ADGRF4: variants seen among roughly 807,000 people sequenced by gnomAD.
ADGRF4 encodes the protein G-protein coupled receptor PGR18.
A neutral mutation model predicts 58.5 loss-of-function variants in ADGRF4; 63 were observed. The ratio of observed to expected loss-of-function variants is 1.08; its 90% CI spans 0.88 to 1.33. The LOEUF is 1.33. Among genes scored for constraint, ADGRF4 ranks in the 40% most tolerant of loss-of-function variants. ADGRF4 has a pLI of 0.00. For synonymous variants in ADGRF4, 313 were observed against 295.4 expected (o/e 1.06, Z -0.61); for missense variants, 931 against 843.9 (o/e 1.10, Z -1.28).
chr6:47,701,832 A>G (rs1372367973), intron 1 of ADGRF4, among the ~76,000 whole-genome samples: 4 of 152,084 alleles, frequency 2.6e-5, no homozygotes, highest in African/African-American at 9.7e-5. Context: ...TTACTTATTT[A>G]TTTTTATTTT....
Position 47,712,342 on chromosome 6 carries a change from AT to A in ADGRF4, c.301-12del, listed in dbSNP as rs1479375551. 6.2e-7 allele frequency: 1 copy of A among 1,612,034 alleles called. No individual in the cohort carries two copies. Among genetic ancestry groups the A allele is most frequent in the Non-Finnish European group, 8.5e-7 (1 of 1,178,510 alleles). On this transcript the variant is annotated splice_polypyrimidine_tract_variant and intron_variant, in intron 4 of 9. Coordinates refer to ENST00000283303, the MANE Select transcript of ADGRF4 (RefSeq NM_153838.5). The stretch of plus-strand genomic sequence containing the variant: ...CTTAATCATTTTTGAATGAAACTAC[AT>A]TTGTTTTAAACAGGACTCAACTGGT...
intron 5 of ADGRF4, among the ~76,000 whole-genome samples, 162 bp from the exon 6 acceptor site, chr6:47,713,636 G>A (rs1311706453): frequency 1.3e-5 from 2 of 152,118 alleles, no homozygotes; most frequent in African/African-American, 2.4e-5. Context: ...TCTTCCCTCT[G>A]TGTGGCCTTA....
At chr6:47,708,118 T>C (rs1771765133) in intron 2 of ADGRF4, 106 bp from the exon 3 acceptor site, 1 of 785,618 alleles carries the variant, frequency 1.3e-6, no homozygotes, top group Admixed American at 2.4e-5. Context: ...GTTTTCTTTC[T>C]AGTCCTGAAC....
intron 8 of ADGRF4, 78 bp downstream of exon 8, chr6:47,717,429 A>G: frequency 1.1e-6 from 1 of 884,866 alleles, no homozygotes; most frequent in Non-Finnish European, 1.9e-6. Context: ...ACCATAGCTC[A>G]GTACTCAGGA....
At chr6:47,706,890 G>A (rs1771722274) in intron 1 of ADGRF4, among the ~76,000 whole-genome samples, 3 of 152,184 alleles carry the variant, frequency 2.0e-5, no homozygotes, top group Admixed American at 2.0e-4. Context: ...GCTTAGAAAA[G>A]TTATTGGCAA....
At chr6:47,717,204 G>A in intron 7 of ADGRF4, 88 bp from the exon 8 acceptor site, 1 of 898,314 alleles carries the variant, frequency 1.1e-6, no homozygotes, top group South Asian at 1.3e-5. Context: ...CTTCTGCCAG[G>A]GTTACTGGTC....
intron 1 of ADGRF4, among the ~76,000 whole-genome samples, chr6:47,706,740 C>T (rs943297729): frequency 5.9e-5 from 9 of 152,178 alleles, no homozygotes; most frequent in African/African-American, 2.2e-4. Context: ...GGGTTGAACT[C>T]GTGGCTCTAC....
chr6:47,718,591 C>T (rs1422278521), intron 9 of ADGRF4, 146 bp downstream of exon 9: 3 of 657,968 alleles, frequency 4.6e-6, no homozygotes, highest in South Asian at 3.5e-5. Context: ...AGAATGGAAA[C>T]ATCTTTATTG....
rs561481997 is a variant in ADGRF4 at position 47,712,760 on chromosome 6, T to C, written c.552+152T>C. The C allele has an allele frequency of 2.6e-4, 162 of 629,972 alleles. No individual in the cohort carries two copies. In the African/African-American group the frequency reaches 2.7e-3, roughly 11 times the overall value. 39.0% of individuals were successfully genotyped at this position (629,972 alleles called of 1,614,324 possible). On this transcript the variant is annotated intron_variant, in intron 5 of 9. Transcript: ENST00000283303. ...TTCGGTTTGGGATATTGATTCATTA[T>C]AGTTTATGGAGGTTTTCAAGTAGTT...
At chr6:47,716,930 G>A (rs903662845) in intron 7 of ADGRF4, 83 bp downstream of exon 7, 7 of 924,230 alleles carry the variant, frequency 7.6e-6, no homozygotes, top group South Asian at 5.6e-5. Context: ...TGATTGGAGA[G>A]CATACTCCAG....
chr6:47,715,983 ATTT>A (rs3030671), intron 6 of ADGRF4, among the ~76,000 whole-genome samples: 47,643 of 143,690 alleles, frequency 0.33, 8,332 homozygotes, highest in Middle Eastern at 0.48. Context: ...GACATGAGGG[ATTT>A]TTTTTTTTTT....
chr6:47,701,965 A>T (rs1465260670), intron 1 of ADGRF4, among the ~76,000 whole-genome samples: 1 of 152,092 alleles, frequency 6.6e-6, no homozygotes, highest in Admixed American at 6.6e-5. Flanking sequence ...CCGCCTTCCA[A>T]GTAGCTGGCA....
At chr6:47,716,080 T>C (rs1463545902) in intron 6 of ADGRF4, among the ~76,000 whole-genome samples, 1 of 152,190 alleles carries the variant, frequency 6.6e-6, no homozygotes, top group East Asian at 1.9e-4. Flanking sequence ...CTTTCTTACT[T>C]TGCAATTTAA....
At chr6:47,702,294 T>G (rs925857542) in intron 1 of ADGRF4, among the ~76,000 whole-genome samples, 1 of 152,116 alleles carries the variant, frequency 6.6e-6, no homozygotes, top group African/African-American at 2.4e-5. Flanking sequence ...ACCCATCGTT[T>G]CCCAAACTGA....
chr6:47,712,416 A>G lies in ADGRF4; in HGVS notation c.360A>G (p.Leu120=), dbSNP rs1771894494. Residue 120 remains leucine, a synonymous_variant, in exon 5 of 10, where the codon CTA becomes CTG. Coordinates refer to ENST00000283303, the MANE Select transcript of ADGRF4 (RefSeq NM_153838.5). ...CACCATCTATACCTCTGCATATTCT[A>G]GACTTTCGAGCTCCAGAGACCATTG... ...VAAPSIPLHI[L]DFRAPETIES... 3 of 1,613,852 alleles carry G rather than the reference A, an allele frequency of 1.9e-6. No individual in the cohort carries two copies. The highest frequency in any genetic ancestry group is 2.5e-6 in the Non-Finnish European group (3 of 1,179,848).
intron 6 of ADGRF4, chr6:47,715,378 T>G (rs1485839050): frequency 5.8e-6 from 3 of 518,784 alleles, no homozygotes; most frequent in Non-Finnish European, 1.0e-5. Context: ...TCTCCTTCCT[T>G]CTTTCCTCAC....
chr6:47,705,308 A>G (rs536454995), intron 1 of ADGRF4, among the ~76,000 whole-genome samples: 2 of 152,236 alleles, frequency 1.3e-5, no homozygotes, highest in East Asian at 3.8e-4. Flanking sequence ...TTCTTCTGGT[A>G]CTTTCTTTAG....
chr6:47,716,207 G>C lies in ADGRF4; in HGVS notation c.1933-599G>C, dbSNP rs534046136. 3.3e-5 allele frequency among the ~76,000 whole-genome samples: 5 copies of C among 151,612 alleles called. No homozygotes were observed. The East Asian group carries it at 7.7e-4, about 23-fold the overall frequency. On this transcript the variant is annotated intron_variant, in intron 6 of 9. Coordinates refer to ENST00000283303, the MANE Select transcript of ADGRF4 (RefSeq NM_153838.5). The stretch of plus-strand genomic sequence containing the variant: ...AGTTATATACATTTCTCCTTTCTCA[G>C]CAAGCTCTTCCTAAAATTTTAATCT...
chr6:47,708,381 G>A (rs1771775658), intron 3 of ADGRF4, 103 bp downstream of exon 3: 3 of 793,728 alleles, frequency 3.8e-6, no homozygotes, highest in African/African-American at 1.7e-5. Flanking sequence ...CTTTCCAACT[G>A]AATAGCAATC....
Sources: gnomAD v4.1 joint callset for allele counts (sites outside exome capture counted in the v4.1 genomes callset) on GRCh38, gnomAD v4.1.1 for gene constraint, MANE v1.5 for transcripts, NCBI Gene and HGNC (gene_info 2026-07-23, HGNC 2026-07-21) for gene names.